Variants in FAM135B observed in about 807,000 individuals in gnomAD.
The protein encoded by FAM135B is protein FAM135B.
In FAM135B, 43 loss-of-function variants were observed where a neutral mutation model predicts 127.7. The ratio of observed to expected loss-of-function variants is 0.34; its 90% CI spans 0.26 to 0.43. FAM135B has a LOEUF of 0.43. Among genes scored for constraint, FAM135B ranks in the 20% least tolerant of loss-of-function variants. FAM135B has a pLI of 1.00. For missense variants in FAM135B, 1,558 were observed against 1,725.6 expected (o/e 0.90, Z 1.72); for synonymous variants, 670 against 665.1 (o/e 1.01, Z -0.11).
chr8:138,339,047 A>G (rs201858575), intron 2 of FAM135B, among the ~76,000 whole-genome samples: 4 of 147,354 alleles, frequency 2.7e-5, no homozygotes, highest in Non-Finnish European at 6.0e-5. Context: ...ACTCATAGGT[A>G]GGAATTGAAC....
At position 138,298,909 on chromosome 8, in the gene FAM135B, C is replaced by T. The variant is rs558027424; in HGVS notation, c.157+11932G>A. On this transcript the variant is annotated intron_variant, in intron 3 of 19. Coordinates refer to ENST00000395297, the MANE Select transcript of FAM135B (RefSeq NM_015912.4). The stretch of plus-strand genomic sequence containing the variant: ...GATTCTATACACCCCACACTGGGTC[C>T]CTTAGAGCCATTTCAAAAACGGTGC... Among the ~76,000 whole-genome samples, 12 of 151,880 alleles carry T rather than the reference C, an allele frequency of 7.9e-5. No homozygotes were observed. In the East Asian group the frequency reaches 2.3e-3, roughly 30 times the overall value.
At chr8:138,156,008 A>G (rs769981330) in intron 12 of FAM135B, among the ~76,000 whole-genome samples, 10 of 152,204 alleles carry the variant, frequency 6.6e-5, no homozygotes, top group Non-Finnish European at 1.5e-4. Flanking sequence ...TCTCAGCACT[A>G]CATCACACTT....
chr8:138,185,892 G>A (rs1815518540), intron 9 of FAM135B, among the ~76,000 whole-genome samples: 1 of 152,072 alleles, frequency 6.6e-6, no homozygotes, highest in Non-Finnish European at 1.5e-5. Context: ...TCCTAATCAG[G>A]CTTCACAGCA....
At position 138,355,448 on chromosome 8, in the gene FAM135B, T is replaced by C. The variant is rs1587208898; in HGVS notation, c.77+12459A>G. Among the ~76,000 whole-genome samples the C allele has an allele frequency of 1.5e-5, 2 of 134,824 alleles. 1 individual carries two copies. Among genetic ancestry groups the C allele is most frequent in the South Asian group, 5.4e-4 (2 of 3,722 alleles). 88.4% of individuals were successfully genotyped at this position (134,824 alleles called of 152,430 possible). On this transcript the variant is annotated intron_variant, in intron 2 of 19. Coordinates refer to ENST00000395297, the MANE Select transcript of FAM135B (RefSeq NM_015912.4). ...CATGGATGAAGCTGGAAACCATTAT[T>C]CTCAGCAAACTATCACAAGGACAAA...
intron 1 of FAM135B, among the ~76,000 whole-genome samples, chr8:138,473,918 T>C (rs1447147561): frequency 6.6e-6 from 1 of 152,190 alleles, no homozygotes; most frequent in Non-Finnish European, 1.5e-5. Context: ...CATAAAACTA[T>C]AAACAGAAGC....
chr8:138,334,797 T>C (rs376085284), intron 2 of FAM135B, among the ~76,000 whole-genome samples: 9 of 152,310 alleles, frequency 5.9e-5, no homozygotes, highest in Admixed American at 6.5e-5. Flanking sequence ...CTACCATTGA[T>C]GGGCATTTAG....
intron 7 of FAM135B, among the ~76,000 whole-genome samples, chr8:138,198,474 T>C (rs1816842168): frequency 6.6e-6 from 1 of 152,174 alleles, no homozygotes; most frequent in South Asian, 2.1e-4. Context: ...AGAAGAAATT[T>C]AGAAAGACCC....
chr8:138,366,705 A>G (rs565710120), intron 2 of FAM135B, among the ~76,000 whole-genome samples: 4 of 152,040 alleles, frequency 2.6e-5, no homozygotes, highest in Non-Finnish European at 5.9e-5. Flanking sequence ...GAAGCATTAA[A>G]CTCAGGGTTG....
rs1056464241 is a variant in FAM135B at position 138,497,119 on chromosome 8, A to G, written c.-468T>C. Among the ~76,000 whole-genome samples the G allele has an allele frequency of 2.0e-5, 3 of 150,418 alleles. No homozygotes were observed. Among genetic ancestry groups the G allele is most frequent in the African/African-American group, 7.3e-5 (3 of 40,904 alleles). On this transcript the variant is annotated 5_prime_UTR_variant, in exon 1 of 20. Transcript: ENST00000395297. ...GGCTGCGCTCACCTCTGGCGCCCTC[A>G]CTCCTCTCCTTCCTCCGCCGGGACG...
rs898724614 is a variant in FAM135B at position 138,243,217 on chromosome 8, A to G, written c.543-149T>C. 2.8e-5 allele frequency: 24 copies of G among 869,184 alleles called. No homozygotes were observed. Among genetic ancestry groups the G allele is most frequent in the Non-Finnish European group, 3.7e-5 (22 of 598,136 alleles). The allele number at this position is 869,184 out of a possible 1,614,324, so 53.8% of individuals were successfully genotyped here. A position where few individuals can be genotyped will look rare whatever the true frequency, so the allele number is the denominator to read the frequency against. On this transcript the variant is annotated intron_variant, in intron 6 of 19. Transcript: ENST00000395297. The surrounding 1 kb of genome is among the most constrained non-coding windows in gnomAD (Gnocchi z 7.5). ...CCCCTAGGGAGTGTTTGCATGTGAC[A>G]TTTGTGGATATTTTGATGATAAAGA...
chr8:138,404,546 A>G (rs973520198), intron 1 of FAM135B, among the ~76,000 whole-genome samples: 8 of 152,182 alleles, frequency 5.3e-5, no homozygotes, highest in African/African-American at 1.7e-4. Flanking sequence ...CTAACATTTT[A>G]CCCAAAGTAG....
At position 138,437,791 on chromosome 8, in the gene FAM135B, A is replaced by T. The variant is rs1257866335; in HGVS notation, c.-20+58880T>A. On this transcript the variant is annotated intron_variant, in intron 1 of 19. Transcript: ENST00000395297. The stretch of plus-strand genomic sequence containing the variant: ...TTCACAGTGGCATTGTGAGAACACA[A>T]CACACTACCACAAACCCAGTGCCAG... 2.0e-5 allele frequency: 3 copies of T among 152,304 alleles called. No homozygotes were observed. In the East Asian group the frequency reaches 5.8e-4, roughly 29 times the overall value. The allele number at this position is 152,304 out of a possible 1,614,324, so 9.4% of individuals were successfully genotyped here.
chr8:138,217,478 T>C (rs969089307), intron 7 of FAM135B, among the ~76,000 whole-genome samples: 2 of 146,422 alleles, frequency 1.4e-5, no homozygotes, highest in Non-Finnish European at 3.0e-5. Context: ...TGGTCCAGGC[T>C]GGAGTGCAGT....
intron 9 of FAM135B, among the ~76,000 whole-genome samples, chr8:138,186,084 A>C (rs1815542683): frequency 6.6e-6 from 1 of 151,056 alleles, no homozygotes; most frequent in African/African-American, 2.4e-5. Context: ...GACACCCCCC[A>C]CTCCTTCAGG....
intron 19 of FAM135B, among the ~76,000 whole-genome samples, chr8:138,133,400 A>G (rs1293655407): frequency 1.3e-5 from 2 of 152,226 alleles, no homozygotes; most frequent in Admixed American, 1.3e-4. Flanking sequence ...GGAGCCATGC[A>G]GTGCAATTGA....
intron 4 of FAM135B, among the ~76,000 whole-genome samples, chr8:138,262,895 C>T (rs1369134883): frequency 3.2e-5 from 3 of 93,950 alleles, no homozygotes; most frequent in African/African-American, 4.4e-5. Context: ...GTGGGAGACT[C>T]TGTCTCAGAA....
intron 1 of FAM135B, among the ~76,000 whole-genome samples, chr8:138,484,086 G>C (rs1032639953): frequency 6.6e-6 from 1 of 152,166 alleles, no homozygotes; most frequent in Admixed American, 6.5e-5. Context: ...TGAGCAAGCA[G>C]GGAGGACATA....
chr8:138,265,420 C>G (rs147357637), intron 4 of FAM135B, among the ~76,000 whole-genome samples: 51 of 152,222 alleles, frequency 3.4e-4, no homozygotes, highest in Admixed American at 1.8e-3. Context: ...AGGGCCTGAA[C>G]AGATGTGCAA....
Position 138,242,290 on chromosome 8 carries a change from C to T in FAM135B, c.669+652G>A, listed in dbSNP as rs1820868227. Among the ~76,000 whole-genome samples, 1 of 150,620 alleles carries T rather than the reference C, an allele frequency of 6.6e-6. No homozygotes were observed. Among genetic ancestry groups the T allele is most frequent in the Admixed American group, 6.7e-5 (1 of 15,008 alleles). Reference sequence around the variant, plus strand: ...ACAGGCTGTTTATTTATGAGTAGGCCACTAATAAAAACATAGCATATACTG... The same window carrying T: ...ACAGGCTGTTTATTTATGAGTAGGCTACTAATAAAAACATAGCATATACTG... On this transcript the variant is annotated intron_variant, in intron 7 of 19. Transcript: ENST00000395297. This position sits in a 1 kb window ranked among gnomAD's most constrained non-coding sequence, Gnocchi z 9.6.
Sources: allele counts gnomAD v4.1 joint callset (sites outside exome capture counted in the v4.1 genomes callset), GRCh38; gene constraint gnomAD v4.1.1; non-coding constraint Gnocchi (gnomAD v3.1); transcripts MANE v1.5; gene names NCBI Gene and HGNC (gene_info 2026-07-23, HGNC 2026-07-21).